SLC19A2: variants seen among roughly 807,000 people sequenced by gnomAD.
SLC19A2 encodes the protein solute carrier family 19 member 2.
SLC19A2 carries 27 observed loss-of-function variants against 44.7 expected under a neutral mutation model. That is an observed-to-expected ratio of 0.60 (90% confidence interval 0.45 to 0.83). The LOEUF (loss-of-function observed/expected upper bound fraction) is 0.83. Among genes scored for constraint, SLC19A2 ranks in the 40% least tolerant of loss-of-function variants. The pLI, the probability that SLC19A2 is intolerant of heterozygous loss-of-function variation, is 0.00. For synonymous variants in SLC19A2, 239 were observed against 243.6 expected, an observed-to-expected ratio of 0.98 and a Z score of 0.18; for missense variants, 566 against 613.7, an observed-to-expected ratio of 0.92 and a Z score of 0.82.
chr1:169,471,772 A>G (rs1267674950), intron 2 of SLC19A2, among the ~76,000 whole-genome samples: 2 of 151,836 alleles, frequency 1.3e-5, no homozygotes, highest in African/African-American at 4.8e-5. Context: ...ATACAGTAAC[A>G]GTGACCATCA....
At chr1:169,481,296 C>T (rs907626762) in intron 1 of SLC19A2, among the ~76,000 whole-genome samples, 1 of 152,182 alleles carries the variant, frequency 6.6e-6, no homozygotes, top group Non-Finnish European at 1.5e-5. Flanking sequence ...TGAATTGTCC[C>T]AAGTTATCAC....
At chr1:169,468,296 G>C (rs1404669094) in intron 4 of SLC19A2, 44 bp from the exon 5 acceptor site, 2 of 1,480,854 alleles carry the variant, frequency 1.4e-6, no homozygotes, top group Non-Finnish European at 1.9e-6. Context: ...ATTACTTCTG[G>C]AGTACTTATA....
At chr1:169,483,579 TTAC>T (rs1159211651) in intron 1 of SLC19A2, among the ~76,000 whole-genome samples, 1 of 152,190 alleles carries the variant, frequency 6.6e-6, no homozygotes, top group Non-Finnish European at 1.5e-5. Flanking sequence ...CAGCAAATAG[TTAC>T]TACGCCTGGC....
At position 169,477,213 on chromosome 1, in the gene SLC19A2, C is replaced by T. The variant is rs778795434; in HGVS notation, c.749G>A (p.Trp250Ter). Residue 250 changes from tryptophan (W) to a stop codon, truncating the protein, a stop_gained, in exon 2 of 6, where the codon TGG becomes TAG. Transcript: ENST00000236137. LOFTEE classifies it high-confidence loss of function. The part of the protein sequence containing the change: ...DTPASNHLPG[W>*]EDIESKIPLN... ...AGGGATTTTTGACTCAATGTCCTCC[C>T]AGCCAGGAAGGTGGTTAGAAGCTGG... 1 of 1,614,100 alleles carries T rather than the reference C, an allele frequency of 6.2e-7. No individual in the cohort carries two copies. Among genetic ancestry groups the T allele is most frequent in the Non-Finnish European group, 8.5e-7 (1 of 1,180,024 alleles).
chr1:169,469,893 G>T, intron 3 of SLC19A2, 71 bp downstream of exon 3: 1 of 1,399,710 alleles, frequency 7.1e-7, no homozygotes, highest in Non-Finnish European at 1.0e-6. Flanking sequence ...GAATAAATCT[G>T]ATTATGGCTG....
In SLC19A2 at chr1:169,482,237, A is replaced by T. The variant is rs573020486; in HGVS notation, c.204+3326T>A. Among the ~76,000 whole-genome samples the T allele has an allele frequency of 6.0e-3, 892 of 148,494 alleles. 8 individuals are homozygous for T. The highest frequency in any genetic ancestry group is 0.02 in the African/African-American group (823 of 40,448). ...AATTAAAATTAAAATTAAAAAATTT[A>T]AAAAAAAAAGAATAAAATAAGGCTA... On this transcript the variant is annotated intron_variant, in intron 1 of 5. Transcript: ENST00000236137.
At chr1:169,471,138 A>C (rs1290996432) in intron 2 of SLC19A2, among the ~76,000 whole-genome samples, 1 of 152,014 alleles carries the variant, frequency 6.6e-6, no homozygotes, top group Non-Finnish European at 1.5e-5. Flanking sequence ...TGGAAAGATG[A>C]GTACAATATA....
chr1:169,470,806 C>A (rs965429286), intron 2 of SLC19A2, among the ~76,000 whole-genome samples: 1 of 152,098 alleles, frequency 6.6e-6, no homozygotes, highest in African/African-American at 2.4e-5. Flanking sequence ...CAAGACATTA[C>A]TGAGCTACGC....
chr1:169,473,731 G>A (rs920125289), intron 2 of SLC19A2, among the ~76,000 whole-genome samples: 2 of 151,732 alleles, frequency 1.3e-5, no homozygotes, highest in Admixed American at 6.6e-5. Flanking sequence ...ATAAACAGGA[G>A]GTGTGATGAT....
In SLC19A2 at chr1:169,482,526, G is replaced by A. The variant is rs149093463; in HGVS notation, c.204+3037C>T. ...ACTGCACTCCAGCCTGGGCAACAGA[G>A]CAAGACTGTCTCTAAATAAATAAAC... is the stretch of plus-strand genomic sequence containing the variant. On this transcript the variant is annotated intron_variant, in intron 1 of 5. Transcript: ENST00000236137. 4.9e-3 allele frequency among the ~76,000 whole-genome samples: 745 copies of A among 152,304 alleles called. 10 individuals are homozygous for A. The highest frequency in any genetic ancestry group is 0.017 in the Middle Eastern group (5 of 294).
At chr1:169,472,734 T>C (rs1404205829) in intron 2 of SLC19A2, among the ~76,000 whole-genome samples, 1 of 152,244 alleles carries the variant, frequency 6.6e-6, no homozygotes, top group East Asian at 1.9e-4. Flanking sequence ...AGGTCCTGTT[T>C]ATAAAATCAG....
chr1:169,476,156 A>G (rs1482980281), intron 2 of SLC19A2, among the ~76,000 whole-genome samples: 1 of 151,440 alleles, frequency 6.6e-6, no homozygotes, highest in Non-Finnish European at 1.5e-5. Context: ...AAAAAAAAAA[A>G]GGGTGGGTGT....
rs191990888 is a variant in SLC19A2, at chr1:169,465,623, T to C, written c.*226A>G. On this transcript the variant is annotated 3_prime_UTR_variant, in exon 6 of 6. Coordinates refer to ENST00000236137, the MANE Select transcript of SLC19A2 (RefSeq NM_006996.3). ...GTTCACTTTTGAATCAGAAAAAAAG[T>C]CATCCTTAAATTAGCTCTCATAAAT... 4.3e-4 allele frequency: 229 copies of C among 536,280 alleles called. 1 individual carries two copies. The Admixed American group carries it at 7.1e-3, about 17-fold the overall frequency. The allele number at this position is 536,280 out of a possible 1,614,324, so 33.2% of individuals were successfully genotyped here. A position where few individuals can be genotyped will look rare whatever the true frequency, so the allele number is the denominator to read the frequency against.
intron 1 of SLC19A2, among the ~76,000 whole-genome samples, chr1:169,479,000 T>G (rs958313259): frequency 6.6e-6 from 1 of 152,144 alleles, no homozygotes; most frequent in African/African-American, 2.4e-5. Flanking sequence ...GAGCCAGAGT[T>G]GAGAACAACT....
chr1:169,478,091 G>T (rs2101781819), intron 1 of SLC19A2, among the ~76,000 whole-genome samples: 1 of 152,178 alleles, frequency 6.6e-6, no homozygotes, highest in Middle Eastern at 3.4e-3. Flanking sequence ...ATTTTTAGTA[G>T]AGGTGGGGTT....
intron 1 of SLC19A2, among the ~76,000 whole-genome samples, chr1:169,481,468 G>A (rs912660238): frequency 6.6e-6 from 1 of 152,198 alleles, no homozygotes; most frequent in East Asian, 1.9e-4. Context: ...TGCTTTTACA[G>A]GGCATTCATG....
At chr1:169,478,523 A>AT (rs35141285) in intron 1 of SLC19A2, among the ~76,000 whole-genome samples, 3,551 of 66,672 alleles carry the variant, frequency 0.053, 320 homozygotes, top group East Asian at 0.098. Flanking sequence ...CAACCAGCTA[A>AT]TTTTTTTTTT....
chr1:169,467,307 A>G (rs571890177), intron 5 of SLC19A2, among the ~76,000 whole-genome samples: 1 of 152,318 alleles, frequency 6.6e-6, no homozygotes, highest in East Asian at 1.9e-4. Flanking sequence ...CATCTTCTTC[A>G]TGTCTAATAC....
intron 1 of SLC19A2, among the ~76,000 whole-genome samples, chr1:169,480,202 C>T (rs1658411531): frequency 1.3e-5 from 2 of 152,190 alleles, no homozygotes; most frequent in African/African-American, 4.8e-5. Context: ...CATTAAATAA[C>T]TCTAAGTAGA....
Sources: allele counts gnomAD v4.1 joint callset (sites outside exome capture counted in the v4.1 genomes callset), GRCh38; gene constraint gnomAD v4.1.1; transcripts MANE v1.5; gene names NCBI Gene and HGNC (gene_info 2026-07-23, HGNC 2026-07-21).